DPY19L4: variants seen among roughly 807,000 people sequenced by gnomAD.
The protein encoded by DPY19L4 is probable C-mannosyltransferase DPY19L4.
In DPY19L4, 97 loss-of-function variants were observed where a neutral mutation model predicts 102.8. That is an observed-to-expected ratio of 0.94 (90% CI 0.80 to 1.12). The LOEUF (loss-of-function observed/expected upper bound fraction) is 1.12, where lower values mean the gene tolerates loss of function less well. DPY19L4 is among the 50% of genes most tolerant of loss of function. The pLI is 0.00. For synonymous variants in DPY19L4, 252 were observed against 283.1 expected, an observed-to-expected ratio of 0.89 and a Z score of 1.10; for missense variants, 815 against 850.4, an observed-to-expected ratio of 0.96 and a Z score of 0.52.
chr8:94,744,598 T>C (rs1811590971), intron 6 of DPY19L4: 1 of 455,176 alleles, frequency 2.2e-6, no homozygotes, highest in Admixed American at 2.3e-5. Context: ...TTAACTTTGC[T>C]ATTAATTTCA....
At chr8:94,732,811 C>CTTTTTTTTTTT (rs10624368) in intron 2 of DPY19L4, among the ~76,000 whole-genome samples, 18 of 128,066 alleles carry the variant, frequency 1.4e-4, no homozygotes, top group South Asian at 2.6e-4. Flanking sequence ...CTTTTTCTTT[C>CTTTTTTTTTTT]TTTTTTTTTT....
rs757082319 is a variant in DPY19L4, at chr8:94,734,718, A to T, written c.216A>T (p.Ala72=). 1 of 1,613,958 alleles carries T rather than the reference A, an allele frequency of 6.2e-7. No homozygotes were observed. Among genetic ancestry groups the T allele is most frequent in the South Asian group, 1.1e-5 (1 of 90,996 alleles). The change falls in exon 3 of 19, where the codon GCA becomes GCT. Residue 72 remains alanine, a synonymous_variant. Transcript: ENST00000414645. The part of the protein sequence containing the change: ...SGMMYALYLS[A]YHERKFWFSN... The stretch of plus-strand genomic sequence containing the variant: ...TGATGTATGCTCTCTACTTATCAGC[A>T]TACCATGAACGGAAATTCTGGTTTT...
chr8:94,753,116 A>G (rs1365728871), intron 6 of DPY19L4, among the ~76,000 whole-genome samples: 1 of 151,926 alleles, frequency 6.6e-6, no homozygotes, highest in Non-Finnish European at 1.5e-5. Flanking sequence ...AAATTTAACA[A>G]TGTTGGCCTC....
chr8:94,784,720 G>A (rs1383257931), intron 17 of DPY19L4, among the ~76,000 whole-genome samples: 3 of 152,182 alleles, frequency 2.0e-5, no homozygotes, highest in Admixed American at 6.5e-5. Context: ...GTGAGCCACC[G>A]TGCCCAGCCC....
intron 13 of DPY19L4, among the ~76,000 whole-genome samples, chr8:94,773,473 C>CAATT (rs1813023114): frequency 6.6e-6 from 1 of 151,842 alleles, no homozygotes; most frequent in Admixed American, 6.6e-5. Flanking sequence ...TCTTTGTCGC[C>CAATT]CAGGCTGGAG....
chr8:94,736,308 C>G (rs762651602), intron 3 of DPY19L4, among the ~76,000 whole-genome samples: 27 of 152,140 alleles, frequency 1.8e-4, no homozygotes, highest in Non-Finnish European at 2.4e-4. Context: ...GTATTCAGAT[C>G]ACAGCAAACT....
At chr8:94,738,242 C>T (rs1454124760) in intron 3 of DPY19L4, 127 bp from the exon 4 acceptor site, 1 of 238,234 alleles carries the variant, frequency 4.2e-6, no homozygotes, top group East Asian at 1.3e-4. Context: ...TGGCATGAAC[C>T]TACGAGGCGG....
chr8:94,760,752 G>A (rs1812361545), intron 7 of DPY19L4, among the ~76,000 whole-genome samples: 1 of 152,182 alleles, frequency 6.6e-6, no homozygotes, highest in Admixed American at 6.5e-5. Flanking sequence ...TTTAAAAGTA[G>A]GTCCATAGAA....
At chr8:94,788,892 G>T (rs964929004) in intron 18 of DPY19L4, among the ~76,000 whole-genome samples, 4 of 152,218 alleles carry the variant, frequency 2.6e-5, no homozygotes, top group African/African-American at 9.6e-5. Context: ...CAGTTTGGAG[G>T]TAAGAAATTA....
intron 13 of DPY19L4, among the ~76,000 whole-genome samples, chr8:94,774,311 T>C (rs984194893): frequency 6.6e-6 from 1 of 151,456 alleles, no homozygotes; most frequent in Non-Finnish European, 1.5e-5. Context: ...CCTCCCAAAG[T>C]GTTGGGATTA....
chr8:94,753,353 C>T (rs1287921731), intron 6 of DPY19L4, among the ~76,000 whole-genome samples: 1 of 152,034 alleles, frequency 6.6e-6, no homozygotes, highest in African/African-American at 2.4e-5. Flanking sequence ...GGGATAAATA[C>T]TTGAATGGAT....
chr8:94,731,644 G>A (rs984319081), intron 2 of DPY19L4, among the ~76,000 whole-genome samples: 3 of 152,152 alleles, frequency 2.0e-5, no homozygotes, highest in Non-Finnish European at 4.4e-5. Flanking sequence ...TCAAACTCCC[G>A]ACCTCAGGTG....
At chr8:94,774,834 C>T (rs762279480) in intron 13 of DPY19L4, among the ~76,000 whole-genome samples, 1 of 152,130 alleles carries the variant, frequency 6.6e-6, no homozygotes, top group South Asian at 2.1e-4. Flanking sequence ...GCCTCGGCCC[C>T]CCAAAGTGCT....
At chr8:94,724,070 T>TA in intron 1 of DPY19L4, among the ~76,000 whole-genome samples, 1 of 152,324 alleles carries the variant, frequency 6.6e-6, no homozygotes, top group Middle Eastern at 3.4e-3. Context: ...AGAACATTTT[T>TA]AAAAAGGAAA....
chr8:94,767,048 C>G (rs1468755073), intron 11 of DPY19L4, among the ~76,000 whole-genome samples: 1 of 144,318 alleles, frequency 6.9e-6, no homozygotes, highest in African/African-American at 2.6e-5. Context: ...CCAGCCTGGG[C>G]AACGGTGAGA....
intron 13 of DPY19L4, among the ~76,000 whole-genome samples, chr8:94,771,746 G>C (rs1024405901): frequency 2.0e-5 from 3 of 152,206 alleles, no homozygotes; most frequent in Non-Finnish European, 4.4e-5. Flanking sequence ...TTGGCGGGAG[G>C]AAAAGGAGTT....
intron 14 of DPY19L4, among the ~76,000 whole-genome samples, chr8:94,779,556 T>C (rs772425997): frequency 4.6e-5 from 7 of 151,944 alleles, no homozygotes; most frequent in Non-Finnish European, 8.8e-5. Context: ...CTCAAACTCC[T>C]GGACTCAAGC....
At chr8:94,746,932 C>G (rs948690389) in intron 6 of DPY19L4, among the ~76,000 whole-genome samples, 13 of 152,222 alleles carry the variant, frequency 8.5e-5, no homozygotes, top group Admixed American at 3.3e-4. Context: ...CAGGTCCTTG[C>G]AACTGTAATA....
chr8:94,735,636 T>C (rs1334650188), intron 3 of DPY19L4, among the ~76,000 whole-genome samples: 2 of 152,208 alleles, frequency 1.3e-5, no homozygotes, highest in Non-Finnish European at 2.9e-5. Context: ...GGTGATTATG[T>C]TGTATAGGCA....
Sources: allele counts gnomAD v4.1 joint callset (sites outside exome capture counted in the v4.1 genomes callset), GRCh38; gene constraint gnomAD v4.1.1; transcripts MANE v1.5; gene names NCBI Gene and HGNC (gene_info 2026-07-23, HGNC 2026-07-21).